Variants in PTPRT observed in about 807,000 individuals in gnomAD.
PTPRT encodes the protein receptor-type tyrosine-protein phosphatase T.
A neutral mutation model predicts 176.8 loss-of-function variants in PTPRT; 56 were observed. The observed-to-expected ratio is 0.32, with a 90% CI of 0.26 to 0.40. PTPRT has a LOEUF of 0.40. Among genes scored for constraint, PTPRT ranks in the 10% least tolerant of loss-of-function variants. The pLI is 1.00. For synonymous variants in PTPRT, 783 were observed against 739.0 expected (o/e 1.06, Z -0.96); for missense variants, 1,540 against 1,908.2 (o/e 0.81, Z 3.60).
intron 16 of PTPRT, among the ~76,000 whole-genome samples, chr20:42,198,351 T>A (rs1376938034): frequency 6.6e-6 from 1 of 152,240 alleles, no homozygotes; most frequent in Admixed American, 6.5e-5. Context: ...ATCCCCATCA[T>A]CCCAAACTGA....
At chr20:42,845,107 C>G (rs2078346270) in intron 2 of PTPRT, among the ~76,000 whole-genome samples, 1 of 152,188 alleles carries the variant, frequency 6.6e-6, no homozygotes, top group Non-Finnish European at 1.5e-5. Context: ...AGTGTCTAGA[C>G]ATTGGTAAGC....
chr20:42,932,110 G>A (rs1380404066), intron 1 of PTPRT, among the ~76,000 whole-genome samples: 1 of 152,238 alleles, frequency 6.6e-6, no homozygotes, highest in Non-Finnish European at 1.5e-5. Flanking sequence ...AGGCCCACAC[G>A]ACCAGGGGTG....
chr20:42,199,439 C>T, intron 15 of PTPRT, 51 bp from the exon 16 acceptor site: 1 of 1,584,448 alleles, frequency 6.3e-7, no homozygotes, highest in Non-Finnish European at 8.6e-7. Flanking sequence ...GTGCCAGTTG[C>T]ATTAAAGCAT....
chr20:42,253,280 G>A (rs911403473), intron 13 of PTPRT, among the ~76,000 whole-genome samples: 1 of 152,170 alleles, frequency 6.6e-6, no homozygotes, highest in Non-Finnish European at 1.5e-5. Context: ...CATTGGCAAT[G>A]TGGTGCGCTT....
intron 9 of PTPRT, among the ~76,000 whole-genome samples, chr20:42,382,523 TA>T (rs2058706706): frequency 6.6e-6 from 1 of 152,022 alleles, no homozygotes; most frequent in Non-Finnish European, 1.5e-5. Context: ...AACTGAGACA[TA>T]AGGGATGAAT....
chr20:42,866,417 T>A (rs1224840060), intron 2 of PTPRT, among the ~76,000 whole-genome samples: 2 of 152,120 alleles, frequency 1.3e-5, no homozygotes, highest in African/African-American at 2.4e-5. Flanking sequence ...TTCACCAAGT[T>A]TTCTTGAGCT....
chr20:42,121,933 G>A (rs1023399954), intron 19 of PTPRT, among the ~76,000 whole-genome samples: 3 of 151,958 alleles, frequency 2.0e-5, no homozygotes, highest in Admixed American at 6.6e-5. Flanking sequence ...GTCAAATACC[G>A]CATGTTTTCA....
At chr20:42,299,830 G>C (rs2057435964) in intron 12 of PTPRT, among the ~76,000 whole-genome samples, 1 of 151,354 alleles carries the variant, frequency 6.6e-6, no homozygotes, top group South Asian at 2.1e-4. Flanking sequence ...TGTATTTTTA[G>C]TAGAGATGGG....
chr20:43,016,870 C>T (rs1313597924), intron 1 of PTPRT, among the ~76,000 whole-genome samples: 14 of 151,930 alleles, frequency 9.2e-5, no homozygotes, highest in African/African-American at 3.4e-4. Flanking sequence ...TGTTTCTCTC[C>T]TTCCCTCTCT....
At chr20:42,654,561 A>G (rs937485609) in intron 7 of PTPRT, among the ~76,000 whole-genome samples, 4 of 152,332 alleles carry the variant, frequency 2.6e-5, no homozygotes, top group South Asian at 4.2e-4. Flanking sequence ...CGAAAGAGTT[A>G]TCTCTTTGCA....
intron 7 of PTPRT, among the ~76,000 whole-genome samples, chr20:42,581,364 G>A (rs541896882): frequency 6.6e-6 from 1 of 152,134 alleles, no homozygotes; most frequent in East Asian, 1.9e-4. Context: ...CATTTATTAT[G>A]CTAATTGGTT....
chr20:42,938,837 T>C (rs1339381204), intron 1 of PTPRT, among the ~76,000 whole-genome samples: 1 of 152,142 alleles, frequency 6.6e-6, no homozygotes, highest in Non-Finnish European at 1.5e-5. Context: ...TCATTCTTCC[T>C]ATGGCATTAG....
chr20:43,183,644 C>T (rs1172480644), intron 1 of PTPRT, among the ~76,000 whole-genome samples: 1 of 152,196 alleles, frequency 6.6e-6, no homozygotes, highest in Non-Finnish European at 1.5e-5. Flanking sequence ...TAGAGGTTTG[C>T]AAACATCTCT....
At chr20:42,098,181 C>T (rs1985472790) in intron 27 of PTPRT, among the ~76,000 whole-genome samples, 1 of 152,028 alleles carries the variant, frequency 6.6e-6, no homozygotes, top group South Asian at 2.1e-4. Flanking sequence ...AGAGTCTGGT[C>T]CCGGGCGGGG....
intron 1 of PTPRT, among the ~76,000 whole-genome samples, chr20:43,165,071 G>A (rs1314629727): frequency 1.3e-5 from 2 of 152,120 alleles, no homozygotes; most frequent in Non-Finnish European, 2.9e-5. Context: ...AGTCATGGGG[G>A]TGGGTTTTTC....
chr20:42,634,011 A>T (rs1420415195), intron 7 of PTPRT, among the ~76,000 whole-genome samples: 2,268 of 18,112 alleles, frequency 0.13, 245 homozygotes, highest in Non-Finnish European at 0.15. Flanking sequence ...ATATATATAT[A>T]ATATATATAT....
rs75283539 is a variant in PTPRT at position 42,470,915 on chromosome 20, G to A, written c.1450+1351C>T. Among the ~76,000 whole-genome samples, 1,203 of 152,154 alleles carry A rather than the reference G, an allele frequency of 7.9e-3. 11 individuals are homozygous for A. Among genetic ancestry groups the A allele is most frequent in the Middle Eastern group, 0.014 (4 of 292 alleles). On this transcript the variant is annotated intron_variant, in intron 8 of 30. Coordinates refer to ENST00000373187, the MANE Select transcript of PTPRT (RefSeq NM_007050.6). ...TGCAGGAAGCATACCCATTAGAAATGGGGGTATGGAGGTGGGGTGGGTTTG... is the reference window on the plus strand; with the variant it reads ...TGCAGGAAGCATACCCATTAGAAATAGGGGTATGGAGGTGGGGTGGGTTTG...
chr20:43,077,328 C>T (rs762287164), intron 1 of PTPRT, among the ~76,000 whole-genome samples: 1 of 152,166 alleles, frequency 6.6e-6, no homozygotes, highest in African/African-American at 2.4e-5. Context: ...GGCTGCACAG[C>T]TCATGAAGTG....
At chr20:42,627,475 T>C (rs2074314197) in intron 7 of PTPRT, among the ~76,000 whole-genome samples, 1 of 152,014 alleles carries the variant, frequency 6.6e-6, no homozygotes, top group South Asian at 2.1e-4. Context: ...TCTCACTGTG[T>C]TACCTAGGTT....
Sources: gnomAD v4.1 joint callset for allele counts (sites outside exome capture counted in the v4.1 genomes callset) on GRCh38, gnomAD v4.1.1 for gene constraint, MANE v1.5 for transcripts, NCBI Gene and HGNC (gene_info 2026-07-23, HGNC 2026-07-21) for gene names.